Variants in MSRA observed in about 807,000 individuals in gnomAD.
The protein encoded by MSRA is methionine sulfoxide reductase A, also known as mitochondrial peptide methionine sulfoxide reductase.
A neutral mutation model predicts 31.3 loss-of-function variants in MSRA; 54 were observed. That is an observed-to-expected ratio of 1.73 (90% CI 1.39 to 2.17). The LOEUF (loss-of-function observed/expected upper bound fraction) is 2.17. Ranked by LOEUF, MSRA falls within the 30% of genes most tolerant of loss-of-function variation. The pLI, the probability that MSRA is intolerant of heterozygous loss-of-function variation, is 0.00. For missense variants in MSRA, 507 were observed against 300.9 expected, an observed-to-expected ratio of 1.69 and a Z score of -5.07; for synonymous variants, 169 against 116.5, an observed-to-expected ratio of 1.45 and a Z score of -2.90.
At chr8:10,211,971 G>A (rs1809539468) in intron 2 of MSRA, among the ~76,000 whole-genome samples, 2 of 151,964 alleles carry the variant, frequency 1.3e-5, no homozygotes, top group African/African-American at 2.4e-5. Context: ...GAAAATGGAG[G>A]GCAGGGGATT....
At position 10,201,333 on chromosome 8, in the gene MSRA, C is replaced by T. The variant is rs73662803; in HGVS notation, c.143-6500C>T. Among the ~76,000 whole-genome samples, 121 of 152,156 alleles carry T rather than the reference C, an allele frequency of 8.0e-4. 1 individual carries two copies. Among genetic ancestry groups the T allele is most frequent in the African/African-American group, 2.5e-3 (104 of 41,492 alleles). Reference sequence around the variant, plus strand: ...CGATGAGATTGTACTTCTTGATGACCGGCAGTTCTGAGAGTTTAGTCTGAT... The same window carrying T: ...CGATGAGATTGTACTTCTTGATGACTGGCAGTTCTGAGAGTTTAGTCTGAT... On this transcript the variant is annotated intron_variant, in intron 1 of 5. Transcript: ENST00000317173.
At chr8:10,389,804 T>C (rs1460285243) in intron 5 of MSRA, among the ~76,000 whole-genome samples, 2 of 149,942 alleles carry the variant, frequency 1.3e-5, no homozygotes, top group South Asian at 2.1e-4. Context: ...TTTTTTTTTT[T>C]TCTTTTTTAG....
At chr8:10,193,594 C>T (rs1233221878) in intron 1 of MSRA, among the ~76,000 whole-genome samples, 1 of 152,188 alleles carries the variant, frequency 6.6e-6, no homozygotes, top group East Asian at 1.9e-4. Context: ...GAGCCACTAC[C>T]ATCTCCACTG....
chr8:10,380,673 G>A (rs1015385681), intron 5 of MSRA, among the ~76,000 whole-genome samples: 7 of 152,254 alleles, frequency 4.6e-5, no homozygotes, highest in African/African-American at 9.6e-5. Flanking sequence ...TATGCTTGGC[G>A]CACAATAAGT....
At chr8:10,164,197 T>C (rs1804919999) in intron 1 of MSRA, among the ~76,000 whole-genome samples, 1 of 152,270 alleles carries the variant, frequency 6.6e-6, no homozygotes, top group Admixed American at 6.5e-5. Context: ...GGTATCATTC[T>C]CACCAGTCAT....
chr8:10,123,050 T>A (rs1044445233), intron 1 of MSRA, among the ~76,000 whole-genome samples: 1 of 152,228 alleles, frequency 6.6e-6, no homozygotes, highest in Admixed American at 6.5e-5. Context: ...ATATACCCAA[T>A]AATGGGACTG....
chr8:10,378,357 C>T (rs1805868775), intron 5 of MSRA, among the ~76,000 whole-genome samples: 2 of 152,174 alleles, frequency 1.3e-5, no homozygotes, highest in South Asian at 2.1e-4. Flanking sequence ...CCCCAAGGAA[C>T]ATCTTTAGGG....
At chr8:10,230,887 C>T (rs564967439) in intron 2 of MSRA, among the ~76,000 whole-genome samples, 78 of 152,298 alleles carry the variant, frequency 5.1e-4, no homozygotes, top group African/African-American at 1.7e-3. Context: ...CAGGTTCAAG[C>T]ATTTCTCCTG....
chr8:10,071,107 A>G (rs551884930), intron 1 of MSRA, among the ~76,000 whole-genome samples: 5 of 152,272 alleles, frequency 3.3e-5, no homozygotes, highest in Admixed American at 2.0e-4. Context: ...CTTCAGTTTG[A>G]TATTCCCACC....
chr8:10,179,272 A>G (rs778353822), intron 1 of MSRA, among the ~76,000 whole-genome samples: 3 of 152,168 alleles, frequency 2.0e-5, no homozygotes, highest in African/African-American at 4.8e-5. Flanking sequence ...AAATACTTGG[A>G]TCTGCATGCT....
At chr8:10,120,511 A>G (rs1801031026) in intron 1 of MSRA, among the ~76,000 whole-genome samples, 2 of 152,172 alleles carry the variant, frequency 1.3e-5, no homozygotes, top group Non-Finnish European at 2.9e-5. Flanking sequence ...CTAAGCTAAA[A>G]TGTTTTGGAT....
At chr8:10,273,473 C>T (rs1014967278) in intron 3 of MSRA, among the ~76,000 whole-genome samples, 1 of 152,092 alleles carries the variant, frequency 6.6e-6, no homozygotes, top group Admixed American at 6.5e-5. Flanking sequence ...AGTTTTCTAT[C>T]CCACAATATT....
At chr8:10,344,242 G>A (rs183633158) in intron 5 of MSRA, among the ~76,000 whole-genome samples, 199 of 152,256 alleles carry the variant, frequency 1.3e-3, no homozygotes, top group African/African-American at 4.6e-3. Context: ...CACCCCATCT[G>A]TACGGTGATC....
At chr8:10,341,368 A>G (rs530894358) in intron 5 of MSRA, among the ~76,000 whole-genome samples, 1 of 152,220 alleles carries the variant, frequency 6.6e-6, no homozygotes, top group South Asian at 2.1e-4. Flanking sequence ...GGGAGGTGCC[A>G]CACGTTTTGA....
At chr8:10,251,866 G>A (rs989554988) in intron 3 of MSRA, among the ~76,000 whole-genome samples, 1 of 150,972 alleles carries the variant, frequency 6.6e-6, no homozygotes, top group Admixed American at 6.6e-5. Context: ...CATGGTGGGG[G>A]GGGGGGGACA....
Position 10,054,648 on chromosome 8 carries a change from C to T in MSRA, c.132C>T (p.Thr44=), listed in dbSNP as rs760085267. 1.9e-6 allele frequency: 3 copies of T among 1,566,060 alleles called. No homozygotes were observed. The highest frequency in any genetic ancestry group is 2.6e-6 in the Non-Finnish European group (3 of 1,157,168). ...CCTTGCCGGGCCGGAAGGAACAGAC[C>T]CCTGTAGCGGGTAAGCACTGGCCAC... is the stretch of plus-strand genomic sequence containing the variant. ...QEALPGRKEQ[T]PVAAKHHVNG... is the part of the protein sequence containing the mutation. Residue 44 remains threonine (T), a synonymous_variant, in exon 1 of 6, where the codon ACC becomes ACT. Transcript: ENST00000317173.
At chr8:10,100,040 G>A (rs1799430104) in intron 1 of MSRA, among the ~76,000 whole-genome samples, 3 of 152,176 alleles carry the variant, frequency 2.0e-5, no homozygotes, top group South Asian at 2.1e-4. Flanking sequence ...AGTTGAGGGC[G>A]CTGCCCAGCA....
chr8:10,206,813 A>G (rs1188412554), intron 1 of MSRA, among the ~76,000 whole-genome samples: 2 of 152,178 alleles, frequency 1.3e-5, no homozygotes, highest in African/African-American at 4.8e-5. Context: ...ACATAATTAT[A>G]TGCCTTCTTT....
chr8:10,306,542 T>G (rs1801150344), intron 4 of MSRA, among the ~76,000 whole-genome samples: 1 of 151,856 alleles, frequency 6.6e-6, no homozygotes, highest in Non-Finnish European at 1.5e-5. Context: ...AGTTCAGCAT[T>G]GTTTATGTTG....
Sources: gnomAD v4.1 joint callset for allele counts (sites outside exome capture counted in the v4.1 genomes callset) on GRCh38, gnomAD v4.1.1 for gene constraint, MANE v1.5 for transcripts, NCBI Gene and HGNC (gene_info 2026-07-23, HGNC 2026-07-21) for gene names.